ACACA: variants seen among roughly 807,000 people sequenced by gnomAD.
The protein encoded by ACACA is acetyl-CoA carboxylase alpha.
A neutral mutation model predicts 296.1 loss-of-function variants in ACACA; 103 were observed. The ratio of observed to expected loss-of-function variants is 0.35; its 90% CI spans 0.30 to 0.41. The LOEUF is 0.41. ACACA is among the 10% of genes least tolerant of loss of function. The pLI, the probability that ACACA is intolerant of heterozygous loss-of-function variation, is 1.00. For missense variants in ACACA, 1,554 were observed against 2,989.7 expected (o/e 0.52, Z 11.20); for synonymous variants, 953 against 1,038.6 (o/e 0.92, Z 1.58).
intron 52 of ACACA, among the ~76,000 whole-genome samples, chr17:37,099,584 G>A (rs2073224424): frequency 6.7e-6 from 1 of 148,770 alleles, no homozygotes; most frequent in Admixed American, 6.7e-5. Flanking sequence ...CGGGAGGGCT[G>A]ATGGCAGGAG....
At chr17:37,295,560 G>T (rs1003163306) in intron 3 of ACACA, among the ~76,000 whole-genome samples, 1 of 152,092 alleles carries the variant, frequency 6.6e-6, no homozygotes, top group Non-Finnish European at 1.5e-5. Context: ...AGGTAAATGT[G>T]GGGGGATAAC....
chr17:37,211,999 C>T (rs751293530), intron 29 of ACACA, among the ~76,000 whole-genome samples: 1 of 152,106 alleles, frequency 6.6e-6, no homozygotes, highest in Admixed American at 6.6e-5. Context: ...GAGGGAGGTA[C>T]AGCTGAACAG....
Position 37,113,009 on chromosome 17 carries a change from G to T in ACACA, c.6452+79C>A. 1 of 1,548,206 alleles carries T rather than the reference G, an allele frequency of 6.5e-7. No individual in the cohort carries two copies. The highest frequency in any genetic ancestry group is 8.9e-7 in the Non-Finnish European group (1 of 1,125,886). ...AGGATGTGGGTGCTGTAGTGCCATGGCTGTAACATTCTCCAGGAGGAAACC... is the reference window on the plus strand; with the variant it reads ...AGGATGTGGGTGCTGTAGTGCCATGTCTGTAACATTCTCCAGGAGGAAACC... On this transcript the variant is annotated intron_variant, in intron 51 of 55. Coordinates refer to ENST00000616317, the MANE Select transcript of ACACA (RefSeq NM_198834.3). This position sits in a 1 kb window ranked among gnomAD's most constrained non-coding sequence, Gnocchi z 4.0.
chr17:37,302,409 C>T (rs2083667775), intron 3 of ACACA, among the ~76,000 whole-genome samples: 1 of 152,062 alleles, frequency 6.6e-6, no homozygotes, highest in Non-Finnish European at 1.5e-5. Flanking sequence ...GGGGTTTAAC[C>T]ATGTTGGCCA....
intron 41 of ACACA, among the ~76,000 whole-genome samples, chr17:37,178,524 C>T (rs1311125511): frequency 6.6e-6 from 1 of 152,100 alleles, no homozygotes; most frequent in Non-Finnish European, 1.5e-5. Flanking sequence ...TATAGAAAAT[C>T]CTGGCTGGGC....
intron 35 of ACACA, 54 bp from the exon 36 acceptor site, chr17:37,193,469 G>A: frequency 7.4e-7 from 1 of 1,344,882 alleles, no homozygotes; most frequent in Non-Finnish European, 1.1e-6. Context: ...ATGGCTCTTT[G>A]AGAACAAACA....
intron 1 of ACACA, among the ~76,000 whole-genome samples, chr17:37,346,557 C>A (rs2048628358): frequency 6.6e-6 from 1 of 151,574 alleles, no homozygotes; most frequent in Non-Finnish European, 1.5e-5. Flanking sequence ...AAAAAATTAG[C>A]CGGGCGTGGT....
intron 3 of ACACA, among the ~76,000 whole-genome samples, chr17:37,289,879 C>T (rs1280230107): frequency 6.6e-6 from 1 of 152,194 alleles, no homozygotes; most frequent in Non-Finnish European, 1.5e-5. Flanking sequence ...TCTTTCCTCC[C>T]AATCACACTG....
intron 50 of ACACA, among the ~76,000 whole-genome samples, chr17:37,115,101 T>A (rs1269041147): frequency 6.6e-6 from 1 of 152,194 alleles, no homozygotes; most frequent in Non-Finnish European, 1.5e-5. Context: ...GTGGAATGTG[T>A]ATGATATGTA....
At position 37,155,158 on chromosome 17, in the gene ACACA, C is replaced by A. The variant is rs550731725; in HGVS notation, c.5447+525G>T. Among the ~76,000 whole-genome samples the A allele has an allele frequency of 3.3e-5, 5 of 151,986 alleles. No homozygotes were observed. In the South Asian group the frequency reaches 1.0e-3, roughly 32 times the overall value. On this transcript the variant is annotated intron_variant, in intron 43 of 55. Coordinates refer to ENST00000616317, the MANE Select transcript of ACACA (RefSeq NM_198834.3). ...ATAAATGTCCCTTAAGTGGGTTCAG[C>A]CAAGGGATGTGAAAAATTAGAAATA...
chr17:37,347,574 G>A (rs1264299030), intron 1 of ACACA, among the ~76,000 whole-genome samples: 5 of 152,060 alleles, frequency 3.3e-5, no homozygotes, highest in Admixed American at 3.3e-4. Context: ...GACTGCAGGT[G>A]TGAGTCACAA....
At chr17:37,226,287 C>A in intron 26 of ACACA, 52 bp downstream of exon 26, 1 of 1,355,696 alleles carries the variant, frequency 7.4e-7, no homozygotes, top group Non-Finnish European at 1.1e-6. Flanking sequence ...TCTAGGACTG[C>A]CTGATCTATG....
At chr17:37,403,007 A>T (rs545023232) in intron 1 of ACACA, among the ~76,000 whole-genome samples, 1 of 152,214 alleles carries the variant, frequency 6.6e-6, no homozygotes, top group South Asian at 2.1e-4. Context: ...TTACTTACTC[A>T]TTTCACAAGT....
intron 25 of ACACA, 77 bp downstream of exon 25, chr17:37,234,898 C>T: frequency 6.5e-7 from 1 of 1,533,090 alleles, no homozygotes. Flanking sequence ...TTTTCTCTGG[C>T]CATAGCCATC....
At chr17:37,115,260 A>G (rs1213967636) in intron 50 of ACACA, among the ~76,000 whole-genome samples, 2 of 152,258 alleles carry the variant, frequency 1.3e-5, no homozygotes, top group African/African-American at 4.8e-5. Flanking sequence ...AGTTATGAAA[A>G]TAATTGCTCA....
chr17:37,130,564 A>C (rs2075041490), intron 45 of ACACA, among the ~76,000 whole-genome samples: 1 of 152,168 alleles, frequency 6.6e-6, no homozygotes, highest in African/African-American at 2.4e-5. Flanking sequence ...TAAAACTTGA[A>C]GTATAATAAA....
At chr17:37,392,070 G>C (rs766089210) in intron 1 of ACACA, 19 of 241,200 alleles carry the variant, frequency 7.9e-5, no homozygotes, top group Non-Finnish European at 1.3e-4. Flanking sequence ...GCAGCTGTTA[G>C]TGTGACATAG....
At chr17:37,386,151 A>G in intron 1 of ACACA, 1 of 1,421,338 alleles carries the variant, frequency 7.0e-7, no homozygotes, top group East Asian at 2.4e-5. Context: ...TTGAAATGAC[A>G]AAGTACAGAA....
chr17:37,114,864 G>A (rs1297199548), intron 50 of ACACA, among the ~76,000 whole-genome samples: 1 of 152,194 alleles, frequency 6.6e-6, no homozygotes, highest in Non-Finnish European at 1.5e-5. Context: ...GGAATCCAAG[G>A]CAAAGAAGCA....
Sources: allele counts gnomAD v4.1 joint callset (sites outside exome capture counted in the v4.1 genomes callset), GRCh38; gene constraint gnomAD v4.1.1; non-coding constraint Gnocchi (gnomAD v3.1); transcripts MANE v1.5; gene names NCBI Gene and HGNC (gene_info 2026-07-23, HGNC 2026-07-21).